Variants in GRM7 observed in about 807,000 individuals in gnomAD.
The protein encoded by GRM7 is metabotropic glutamate receptor 7.
Under a neutral mutation model 84.5 loss-of-function variants are expected in GRM7, and 35 were observed. That is an observed-to-expected ratio of 0.41 (90% CI 0.32 to 0.55). The LOEUF is 0.55. Among genes scored for constraint, GRM7 ranks in the 20% least tolerant of loss-of-function variants. The probability of loss-of-function intolerance (pLI) is 0.19; values close to 1 mark genes in which losing one functional copy is unlikely to be tolerated. For synonymous variants in GRM7, 487 were observed against 455.1 expected (o/e 1.07, Z -0.89); for missense variants, 1,003 against 1,194.6 (o/e 0.84, Z 2.36).
intron 1 of GRM7, among the ~76,000 whole-genome samples, chr3:6,920,293 A>C (rs1303734653): frequency 6.6e-6 from 1 of 152,126 alleles, no homozygotes. Context: ...AGTGGCTCAC[A>C]CTTGTAATCC....
chr3:6,989,039 C>T (rs550095342), intron 1 of GRM7, among the ~76,000 whole-genome samples: 70 of 152,304 alleles, frequency 4.6e-4, no homozygotes, highest in Middle Eastern at 6.8e-3. Context: ...TTTCTTAAAT[C>T]TTTCAGCATA....
chr3:7,540,447 A>T (rs1692807128), intron 7 of GRM7, among the ~76,000 whole-genome samples: 1 of 152,202 alleles, frequency 6.6e-6, no homozygotes, highest in Admixed American at 6.5e-5. Context: ...TATACTTGAA[A>T]ACATTATGCT....
chr3:7,711,499 A>G (rs1327589499), intron 9 of GRM7, among the ~76,000 whole-genome samples: 5 of 152,188 alleles, frequency 3.3e-5, no homozygotes, highest in Admixed American at 3.3e-4. Flanking sequence ...GGCAGTGAGA[A>G]GAATTCAGTC....
At chr3:7,365,643 G>GTA (rs1491052499) in intron 4 of GRM7, among the ~76,000 whole-genome samples, 14 of 81,570 alleles carry the variant, frequency 1.7e-4, no homozygotes, top group African/African-American at 4.3e-4. Flanking sequence ...GTGTGTGCGT[G>GTA]TGTGTATATA....
chr3:7,578,553 T>G lies in GRM7; in HGVS notation c.1647T>G (p.Asp549Glu). ...TPCCWTCEPC[D>E]GYQYQFDEMT... The stretch of plus-strand genomic sequence containing the variant: ...GCTGTTGGACCTGTGAGCCTTGCGA[T>G]GGTTACCAGTACCAGTTTGATGAGA... The change falls in exon 8 of 10, where the codon GAT (aspartate) becomes GAG (glutamate). Residue 549 changes from aspartate to glutamate, a missense_variant. By Grantham distance (45) the Asp-to-Glu change is conservative. Transcript: ENST00000357716. The G allele has an allele frequency of 1.9e-6, 3 of 1,614,122 alleles. No individual in the cohort carries two copies. Among genetic ancestry groups the G allele is most frequent in the Non-Finnish European group, 2.5e-6 (3 of 1,179,992 alleles).
chr3:7,516,504 A>AAAAAAAAAAAAAAAC (rs1700394805), intron 7 of GRM7, among the ~76,000 whole-genome samples: 1 of 124,714 alleles, frequency 8.0e-6, no homozygotes, highest in Non-Finnish European at 1.9e-5. Context: ...AAAAAAAAAA[A>AAAAAAAAAAAAAAAC]AGAAATAGTT....
At chr3:6,960,727 T>A (rs571314645) in intron 1 of GRM7, among the ~76,000 whole-genome samples, 1 of 152,178 alleles carries the variant, frequency 6.6e-6, no homozygotes, top group Non-Finnish European at 1.5e-5. Flanking sequence ...CTGACTTGAA[T>A]AGAAAATTGA....
intron 2 of GRM7, among the ~76,000 whole-genome samples, chr3:7,271,897 T>TA (rs1337129713): frequency 6.6e-6 from 1 of 152,178 alleles, no homozygotes; most frequent in Admixed American, 6.5e-5. Context: ...AGTGTGCCCT[T>TA]TCTCTAAGAT....
rs1008608672 is a variant in GRM7 at position 6,965,168 on chromosome 3, C to A, written c.519+103261C>A. Among the ~76,000 whole-genome samples the A allele has an allele frequency of 6.6e-5, 10 of 152,264 alleles. No individual in the cohort carries two copies. The South Asian group carries it at 2.1e-3, about 32-fold the overall frequency. ...GTGGGAGAGAGCCTGCCACTTCCCC[C>A]TGAAGAGGAACTGATGGAAAACTAA... On this transcript the variant is annotated intron_variant, in intron 1 of 9. Transcript: ENST00000357716.
chr3:6,949,001 CTT>C (rs1022100855), intron 1 of GRM7, among the ~76,000 whole-genome samples: 63 of 152,258 alleles, frequency 4.1e-4, no homozygotes, highest in African/African-American at 1.4e-3. Context: ...GGTCTTGACT[CTT>C]TATCCAATTT....
chr3:7,087,617 A>T (rs1698505689), intron 1 of GRM7, among the ~76,000 whole-genome samples: 1 of 152,182 alleles, frequency 6.6e-6, no homozygotes, highest in Non-Finnish European at 1.5e-5. Context: ...CTTTATTATA[A>T]GTCAATACTC....
At chr3:7,039,375 T>G (rs1274126132) in intron 1 of GRM7, among the ~76,000 whole-genome samples, 1 of 152,212 alleles carries the variant, frequency 6.6e-6, no homozygotes, top group Non-Finnish European at 1.5e-5. Flanking sequence ...TAATGTTTTG[T>G]GACAGGTATC....
chr3:6,922,441 G>A (rs999499457), intron 1 of GRM7, among the ~76,000 whole-genome samples: 1 of 152,148 alleles, frequency 6.6e-6, no homozygotes, highest in African/African-American at 2.4e-5. Context: ...ATAGAAAGTT[G>A]GCTGTTATAT....
chr3:7,051,616 A>G (rs1322402396), intron 1 of GRM7, among the ~76,000 whole-genome samples: 4 of 151,796 alleles, frequency 2.6e-5, no homozygotes, highest in Admixed American at 6.6e-5. Context: ...TAAAGTGTCC[A>G]AAGGAATTGG....
At chr3:6,941,191 C>G (rs541229268) in intron 1 of GRM7, among the ~76,000 whole-genome samples, 145 of 152,318 alleles carry the variant, frequency 9.5e-4, no homozygotes, top group Middle Eastern at 3.4e-3. Flanking sequence ...CACTTACACA[C>G]ATTAGTTTCC....
intron 4 of GRM7, among the ~76,000 whole-genome samples, chr3:7,414,535 C>G (rs557841763): frequency 5.5e-4 from 84 of 152,162 alleles, no homozygotes; most frequent in Non-Finnish European, 9.6e-4. Context: ...GCGTCCTCGT[C>G]CCTGCTCATC....
At chr3:7,067,895 C>T (rs542511777) in intron 1 of GRM7, among the ~76,000 whole-genome samples, 17 of 151,906 alleles carry the variant, frequency 1.1e-4, no homozygotes, top group Non-Finnish European at 2.2e-4. Flanking sequence ...AAATATATTG[C>T]TGCACATATA....
intron 2 of GRM7, among the ~76,000 whole-genome samples, chr3:7,230,085 C>T (rs1697144908): frequency 6.6e-6 from 1 of 151,638 alleles, no homozygotes; most frequent in South Asian, 2.1e-4. Flanking sequence ...GTGATCCACC[C>T]ACCTCGGCCT....
intron 9 of GRM7, among the ~76,000 whole-genome samples, chr3:7,730,819 T>C (rs928497254): frequency 2.0e-5 from 3 of 152,208 alleles, no homozygotes; most frequent in Non-Finnish European, 2.9e-5. Context: ...CTATAATATA[T>C]TGAAATTATA....
Sources: allele counts gnomAD v4.1 joint callset (sites outside exome capture counted in the v4.1 genomes callset), GRCh38; gene constraint gnomAD v4.1.1; transcripts MANE v1.5; gene names NCBI Gene and HGNC (gene_info 2026-07-23, HGNC 2026-07-21).